Variants in LRRC4B observed in about 807,000 individuals in gnomAD.
The protein encoded by LRRC4B is leucine-rich repeat-containing protein 4B.
Under a neutral mutation model 7.3 loss-of-function variants are expected in LRRC4B, and 1 was observed. The observed-to-expected ratio is 0.14, with a 90% confidence interval of 0.05 to 0.65. The LOEUF (loss-of-function observed/expected upper bound fraction) is 0.65. Ranked by LOEUF, LRRC4B falls within the 30% of genes least tolerant of loss-of-function variation. The probability of loss-of-function intolerance (pLI) is 0.84; values close to 1 mark genes in which losing one functional copy is unlikely to be tolerated. For missense variants in LRRC4B, 730 were observed against 1,041.6 expected, an observed-to-expected ratio of 0.70 and a Z score of 4.12; for synonymous variants, 500 against 499.2, an observed-to-expected ratio of 1.00 and a Z score of -0.02.
intron 1 of LRRC4B, among the ~76,000 whole-genome samples, chr19:50,559,646 G>A (rs1459973369): frequency 1.3e-5 from 2 of 152,232 alleles, no homozygotes; most frequent in Non-Finnish European, 2.9e-5. Flanking sequence ...CGTGGCCCCC[G>A]CCAGCTCCAC....
intron 2 of LRRC4B, among the ~76,000 whole-genome samples, chr19:50,525,034 G>A (rs886474568): frequency 1.3e-5 from 2 of 152,212 alleles, no homozygotes; most frequent in African/African-American, 4.8e-5. Flanking sequence ...CGGAGCCTGC[G>A]CCCCTCCCCG....
intron 1 of LRRC4B, among the ~76,000 whole-genome samples, chr19:50,550,553 C>T (rs1982012202): frequency 6.6e-6 from 1 of 152,150 alleles, no homozygotes; most frequent in Non-Finnish European, 1.5e-5. Context: ...CCTCCTCCTG[C>T]AGTTTCCAAG....
intron 2 of LRRC4B, among the ~76,000 whole-genome samples, chr19:50,535,259 G>GC: frequency 6.6e-6 from 1 of 152,156 alleles, no homozygotes; most frequent in Non-Finnish European, 1.5e-5. Flanking sequence ...TGCAGCCTCC[G>GC]CCTCCTGGGT....
At chr19:50,521,197 C>T (rs541748800) in intron 2 of LRRC4B, among the ~76,000 whole-genome samples, 7 of 152,148 alleles carry the variant, frequency 4.6e-5, no homozygotes, top group South Asian at 2.1e-4. Context: ...ACAAAGGAGC[C>T]GGTGCGGTGG....
chr19:50,521,324 G>A (rs1374232094), intron 2 of LRRC4B, among the ~76,000 whole-genome samples: 1 of 152,126 alleles, frequency 6.6e-6, no homozygotes, highest in Non-Finnish European at 1.5e-5. Flanking sequence ...TGATTGAAAG[G>A]TGCTACATTG....
chr19:50,545,112 C>CAA (rs778283731), intron 2 of LRRC4B, among the ~76,000 whole-genome samples: 3 of 122,240 alleles, frequency 2.5e-5, no homozygotes, highest in African/African-American at 6.1e-5. Context: ...GACTCCATCT[C>CAA]AAAAAAAAAA....
chr19:50,517,430 T>C lies in LRRC4B; in HGVS notation c.*141A>G. 1.4e-6 allele frequency: 1 copy of C among 729,598 alleles called. No individual in the cohort carries two copies. Among genetic ancestry groups the C allele is most frequent in the Non-Finnish European group, 1.9e-6 (1 of 523,288 alleles). 45.2% of individuals were successfully genotyped at this position (729,598 alleles called of 1,614,324 possible). On this transcript the variant is annotated 3_prime_UTR_variant, in exon 3 of 3. Transcript: ENST00000652263. The surrounding 1 kb of genome is among the most constrained non-coding windows in gnomAD (Gnocchi z 6.6). Reference sequence around the variant, plus strand: ...TGGGGGTCCGAGCCCCAGATGGGGCTGGAAGCCACCTCTCCCCAATTCCCT... The same window carrying C: ...TGGGGGTCCGAGCCCCAGATGGGGCCGGAAGCCACCTCTCCCCAATTCCCT...
At chr19:50,535,165 G>A (rs1195357236) in intron 2 of LRRC4B, among the ~76,000 whole-genome samples, 1 of 150,144 alleles carries the variant, frequency 6.7e-6, no homozygotes, top group Non-Finnish European at 1.5e-5. Context: ...ACCACGCCCG[G>A]CCTGTTTATT....
rs987500780 is a variant in LRRC4B at position 50,568,158 on chromosome 19, G to C, written c.-250C>G. 2 of 152,420 alleles carry C rather than the reference G, an allele frequency of 1.3e-5. No individual in the cohort carries two copies. The highest frequency in any genetic ancestry group is 4.8e-5 in the African/African-American group (2 of 41,352). The allele number at this position is 152,420 out of a possible 1,614,324, so 9.4% of individuals were successfully genotyped here. A position where few individuals can be genotyped will look rare whatever the true frequency, so the allele number is the denominator to read the frequency against. ...CAGCGGCGGCGGTGGGGCTGGGGGG[G>C]CCGCTCTGCCTCCTCGCCTCGCGCC... On this transcript the variant is annotated 5_prime_UTR_variant, in exon 1 of 3. Coordinates refer to ENST00000652263, the MANE Select transcript of LRRC4B (RefSeq NM_001080457.2).
intron 1 of LRRC4B, among the ~76,000 whole-genome samples, chr19:50,567,062 T>A (rs1982651316): frequency 6.9e-6 from 1 of 145,826 alleles, no homozygotes; most frequent in African/African-American, 2.6e-5. Context: ...GAGGAGCAGA[T>A]GCCGTGTCTT....
chr19:50,517,497 T>G lies in LRRC4B; in HGVS notation c.*74A>C. 1 of 1,279,420 alleles carries G rather than the reference T, an allele frequency of 7.8e-7. No homozygotes were observed. The allele number at this position is 1,279,420 out of a possible 1,614,324, so 79.3% of individuals were successfully genotyped here. On this transcript the variant is annotated 3_prime_UTR_variant, in exon 3 of 3. Transcript: ENST00000652263. The surrounding 1 kb of genome is among the most constrained non-coding windows in gnomAD (Gnocchi z 6.6). Reference sequence around the variant, plus strand: ...TGGGCTGGGCTGTGGGAGGGAGGGGTCCCGGTCAGGCTGCGCCCGGGCTGG... The same window carrying G: ...TGGGCTGGGCTGTGGGAGGGAGGGGGCCCGGTCAGGCTGCGCCCGGGCTGG...
rs1208988331 is a variant in LRRC4B at position 50,527,353 on chromosome 19, T to C, written c.298-7938A>G. Among the ~76,000 whole-genome samples the C allele has an allele frequency of 2.3e-4, 33 of 145,602 alleles. 1 individual carries two copies. In the East Asian group the frequency reaches 5.3e-3, roughly 23 times the overall value. On this transcript the variant is annotated intron_variant, in intron 2 of 2. Coordinates refer to ENST00000652263, the MANE Select transcript of LRRC4B (RefSeq NM_001080457.2). ...GGCTGTTTTCTTTCTTTTTTCTTTT[T>C]TTTTTTTTTTTTTTAGTAGAGAGGG...
intron 2 of LRRC4B, among the ~76,000 whole-genome samples, chr19:50,520,560 G>T (rs1195554321): frequency 6.6e-6 from 1 of 151,744 alleles, no homozygotes; most frequent in Non-Finnish European, 1.5e-5. Context: ...AACCTGGGAG[G>T]CAGAGGTTGC....
chr19:50,545,036 C>A (rs1241749592), intron 2 of LRRC4B, among the ~76,000 whole-genome samples: 1 of 151,352 alleles, frequency 6.6e-6, no homozygotes, highest in African/African-American at 2.4e-5. Flanking sequence ...GGTGTGAACC[C>A]AGGAGGCGGA....
At chr19:50,551,347 C>A (rs1043347106) in intron 1 of LRRC4B, among the ~76,000 whole-genome samples, 2 of 151,376 alleles carry the variant, frequency 1.3e-5, no homozygotes, top group African/African-American at 4.9e-5. Context: ...TCCCCGCGCC[C>A]CCCCCACTGG....
chr19:50,518,095 C>T lies in LRRC4B; in HGVS notation c.1618G>A (p.Ala540Thr). 1 of 1,596,518 alleles carries T rather than the reference C, an allele frequency of 6.3e-7. No individual in the cohort carries two copies. The highest frequency in any genetic ancestry group is 8.5e-7 in the Non-Finnish European group (1 of 1,174,362). Residue 540 changes from alanine (A) to threonine (T), a missense_variant, in exon 3 of 3, where the codon GCA becomes ACA. By Grantham distance (58) the Ala-to-Thr change is moderately conservative (BLOSUM62 0). Around this residue, in one of 6 missense-constraint regions of LRRC4B, gnomAD observed 192 missense variants for 228.6 expected, o/e 0.84. Transcript: ENST00000652263. The part of the protein sequence containing the change: ...AAGPASSSTT[A>T]PAPRSSRPTE... ...GGCCGCGAGGAGCGCGGGGCGGGTG[C>T]CGTGGTAGAAGACGAGGCAGGGCCG...
chr19:50,563,932 T>C lies in LRRC4B; in HGVS notation c.-36+4012A>G, dbSNP rs1195990556. On this transcript the variant is annotated intron_variant, in intron 1 of 2. Coordinates refer to ENST00000652263, the MANE Select transcript of LRRC4B (RefSeq NM_001080457.2). The surrounding 1 kb of genome is among the most constrained non-coding windows in gnomAD (Gnocchi z 4.9). ...CCATTTAAGTGGAAACAGGGCCCAG[T>C]CAAAGTGAGGCTTGGAGTTAGGGCA... Among the ~76,000 whole-genome samples, 2 of 151,812 alleles carry C rather than the reference T, an allele frequency of 1.3e-5. No homozygotes were observed. Among genetic ancestry groups the C allele is most frequent in the South Asian group, 2.1e-4 (1 of 4,812 alleles).
At chr19:50,544,233 G>A (rs999895761) in intron 2 of LRRC4B, among the ~76,000 whole-genome samples, 11 of 151,832 alleles carry the variant, frequency 7.2e-5, no homozygotes, top group Admixed American at 2.6e-4. Context: ...TAGGCCGGGC[G>A]CAGTGGCTCA....
At chr19:50,531,400 CCTGAGGCTGCTCGG>C (rs1262883060) in intron 2 of LRRC4B, among the ~76,000 whole-genome samples, 1 of 152,196 alleles carries the variant, frequency 6.6e-6, no homozygotes. Context: ...AGGCGGACAG[CCTGAGGCTGCTCGG>C]CGCTCAGCAC....
Sources: allele counts gnomAD v4.1 joint callset (sites outside exome capture counted in the v4.1 genomes callset), GRCh38; gene constraint gnomAD v4.1.1; regional missense constraint gnomAD v4.1.1; non-coding constraint Gnocchi (gnomAD v3.1); transcripts MANE v1.5; gene names NCBI Gene and HGNC (gene_info 2026-07-23, HGNC 2026-07-21).